PLCXD3: variants seen among roughly 807,000 people sequenced by gnomAD.
PLCXD3 encodes the protein phosphatidylinositol specific phospholipase C X domain containing 3.
Under a neutral mutation model 25.5 loss-of-function variants are expected in PLCXD3, and 19 were observed. The observed-to-expected ratio is 0.75, with a 90% confidence interval of 0.52 to 1.09. PLCXD3 has a LOEUF of 1.09. Ranked by LOEUF, PLCXD3 falls within the 50% of genes least tolerant of loss-of-function variation. PLCXD3 has a pLI of 0.00. For missense variants in PLCXD3, 411 were observed against 388.1 expected, an observed-to-expected ratio of 1.06 and a Z score of -0.50; for synonymous variants, 174 against 137.6, an observed-to-expected ratio of 1.26 and a Z score of -1.85.
chr5:41,440,302 G>C (rs571693423), intron 1 of PLCXD3, among the ~76,000 whole-genome samples: 108 of 126,724 alleles, frequency 8.5e-4, no homozygotes, highest in African/African-American at 3.2e-3. Flanking sequence ...GCACGATCTT[G>C]GCTCACTGCA....
intron 1 of PLCXD3, among the ~76,000 whole-genome samples, chr5:41,509,618 T>A (rs1391799548): frequency 6.6e-6 from 1 of 152,254 alleles, no homozygotes; most frequent in Admixed American, 6.5e-5. Context: ...TTTTCCGTAC[T>A]ATTTGCCTAT....
At chr5:41,489,868 T>A (rs1432038601) in intron 1 of PLCXD3, among the ~76,000 whole-genome samples, 4 of 151,922 alleles carry the variant, frequency 2.6e-5, no homozygotes, top group African/African-American at 9.7e-5. Context: ...TATACAATCA[T>A]GTCGTCTGCA....
At chr5:41,389,275 G>A (rs892191072) in intron 1 of PLCXD3, among the ~76,000 whole-genome samples, 2 of 152,036 alleles carry the variant, frequency 1.3e-5, no homozygotes, top group Non-Finnish European at 2.9e-5. Context: ...CAAGATACTG[G>A]CATCAGAAAA....
At chr5:41,433,845 A>G (rs1747173477) in intron 1 of PLCXD3, among the ~76,000 whole-genome samples, 1 of 152,238 alleles carries the variant, frequency 6.6e-6, no homozygotes, top group South Asian at 2.1e-4. Flanking sequence ...AAACAAAAAC[A>G]TAAAATGACT....
At chr5:41,385,712 G>T (rs913447266) in intron 1 of PLCXD3, among the ~76,000 whole-genome samples, 117 of 152,166 alleles carry the variant, frequency 7.7e-4, no homozygotes, top group Non-Finnish European at 1.9e-4. Flanking sequence ...CCGCTTCTGA[G>T]ATTAGGTTAC....
chr5:41,510,346 C>A lies in PLCXD3; in HGVS notation c.103+78G>T, dbSNP rs1214338020. 9 of 1,265,258 alleles carry A rather than the reference C, an allele frequency of 7.1e-6. No homozygotes were observed. In the East Asian group the frequency reaches 2.2e-4, roughly 30 times the overall value. 78.4% of individuals were successfully genotyped at this position (1,265,258 alleles called of 1,614,324 possible). A position where few individuals can be genotyped will look rare whatever the true frequency, so the allele number is the denominator to read the frequency against. On this transcript the variant is annotated intron_variant, in intron 1 of 2. Transcript: ENST00000377801. ...TCCCGCGGGCATCGTGGCAAGTTAC[C>A]ACTTAGTGGCAGATAAAGCAGGGCG... is the stretch of plus-strand genomic sequence containing the variant.
At chr5:41,350,611 G>A (rs1390050738) in intron 2 of PLCXD3, among the ~76,000 whole-genome samples, 2 of 152,100 alleles carry the variant, frequency 1.3e-5, no homozygotes, top group Admixed American at 6.5e-5. Context: ...AAATACAATA[G>A]GGTATTCTGA....
At chr5:41,486,779 C>T (rs747266821) in intron 1 of PLCXD3, among the ~76,000 whole-genome samples, 12 of 152,164 alleles carry the variant, frequency 7.9e-5, no homozygotes, top group Non-Finnish European at 1.5e-4. Context: ...ATATTATCCT[C>T]TTGAATTCTG....
At chr5:41,340,600 C>A (rs1306623258) in intron 2 of PLCXD3, among the ~76,000 whole-genome samples, 1 of 152,032 alleles carries the variant, frequency 6.6e-6, no homozygotes, top group African/African-American at 2.4e-5. Flanking sequence ...TGCGTGCATC[C>A]GTTGCTCATC....
At chr5:41,412,759 C>A (rs1459222402) in intron 1 of PLCXD3, among the ~76,000 whole-genome samples, 1 of 152,194 alleles carries the variant, frequency 6.6e-6, no homozygotes, top group Non-Finnish European at 1.5e-5. Flanking sequence ...CAAAGAACCC[C>A]CTAATGCTAA....
At position 41,505,470 on chromosome 5, in the gene PLCXD3, T is replaced by G. The variant is rs114517645; in HGVS notation, c.103+4954A>C. ...TTTCTGATGCTACATTTTGCATTAT[T>G]TCATGATGCCACTTTTGCTCGATAA... is the stretch of plus-strand genomic sequence containing the variant. On this transcript the variant is annotated intron_variant, in intron 1 of 2. Transcript: ENST00000377801. Among the ~76,000 whole-genome samples, 532 of 152,362 alleles carry G rather than the reference T, an allele frequency of 3.5e-3. 5 individuals carry two copies. The highest frequency in any genetic ancestry group is 0.011 in the African/African-American group (440 of 41,578).
chr5:41,426,530 C>A (rs1746960666), intron 1 of PLCXD3, among the ~76,000 whole-genome samples: 1 of 151,916 alleles, frequency 6.6e-6, no homozygotes, highest in Non-Finnish European at 1.5e-5. Flanking sequence ...CATATGTTAA[C>A]AAAGCTACTT....
intron 2 of PLCXD3, among the ~76,000 whole-genome samples, chr5:41,353,019 A>G (rs1003474611): frequency 6.6e-6 from 1 of 152,174 alleles, no homozygotes; most frequent in African/African-American, 2.4e-5. Context: ...AGGTTTGAAT[A>G]ATCCTCATGG....
intron 2 of PLCXD3, among the ~76,000 whole-genome samples, chr5:41,341,452 TCATGCAAATTTCAAAGTGC>T (rs1744146285): frequency 2.0e-5 from 3 of 152,192 alleles, no homozygotes; most frequent in Middle Eastern, 3.2e-3. Flanking sequence ...CTATGAATAC[TCATGCAAATTTCAAAGTGC>T]CATGCAAATT....
chr5:41,388,029 A>G (rs1745693029), intron 1 of PLCXD3, among the ~76,000 whole-genome samples: 1 of 152,098 alleles, frequency 6.6e-6, no homozygotes. Flanking sequence ...TAAATGATAA[A>G]TGGCTCTTGG....
At chr5:41,499,623 CAGA>C (rs898958330) in intron 1 of PLCXD3, among the ~76,000 whole-genome samples, 1 of 151,622 alleles carries the variant, frequency 6.6e-6, no homozygotes, top group African/African-American at 2.4e-5. Flanking sequence ...TGGCCTTTCA[CAGA>C]AAGAGAAAAA....
chr5:41,492,341 G>A (rs1253499006), intron 1 of PLCXD3, among the ~76,000 whole-genome samples: 87 of 147,528 alleles, frequency 5.9e-4, no homozygotes, highest in Middle Eastern at 3.4e-3. Context: ...TGGGTAACCC[G>A]ACCTTTCTCT....
At chr5:41,458,473 G>C (rs1041242927) in intron 1 of PLCXD3, among the ~76,000 whole-genome samples, 1 of 151,918 alleles carries the variant, frequency 6.6e-6, no homozygotes, top group African/African-American at 2.4e-5. Flanking sequence ...GCAAAAGTGT[G>C]TCAATGACAA....
chr5:41,462,968 GA>G (rs1165256823), intron 1 of PLCXD3, among the ~76,000 whole-genome samples: 5 of 152,060 alleles, frequency 3.3e-5, no homozygotes, highest in African/African-American at 9.6e-5. Flanking sequence ...AAGAATTAAT[GA>G]AAAGTAAGAA....
Sources: gnomAD v4.1 joint callset for allele counts (sites outside exome capture counted in the v4.1 genomes callset) on GRCh38, gnomAD v4.1.1 for gene constraint, MANE v1.5 for transcripts, NCBI Gene and HGNC (gene_info 2026-07-23, HGNC 2026-07-21) for gene names.